The following PDS5A variants were observed in gnomAD, a reference collection of about 807,000 sequenced individuals.
PDS5A encodes the protein sister chromatid cohesion protein PDS5 homolog A.
PDS5A carries 42 observed loss-of-function variants against 167.1 expected under a neutral mutation model. That is an observed-to-expected ratio of 0.25 (90% confidence interval 0.20 to 0.33). The LOEUF (loss-of-function observed/expected upper bound fraction) is 0.33, where lower values mean the gene tolerates loss of function less well. Among genes scored for constraint, PDS5A ranks in the 10% least tolerant of loss-of-function variants. The probability of loss-of-function intolerance (pLI) is 1.00; values close to 1 mark genes in which losing one functional copy is unlikely to be tolerated. For synonymous variants in PDS5A, 553 were observed against 554.6 expected (o/e 1.00, Z 0.04); for missense variants, 1,033 against 1,605.9 (o/e 0.64, Z 6.10).
At chr4:39,923,417 A>C in intron 5 of PDS5A, among the ~76,000 whole-genome samples, 1 of 151,998 alleles carries the variant, frequency 6.6e-6, no homozygotes, top group East Asian at 1.9e-4. Context: ...AGGATTCCAA[A>C]AGTAAATTAA....
At chr4:39,879,912 T>C (rs1578657993) in intron 17 of PDS5A, 79 bp from the exon 18 acceptor site, 2 of 779,740 alleles carry the variant, frequency 2.6e-6, no homozygotes, top group Non-Finnish European at 4.2e-6. Flanking sequence ...AGAACATATA[T>C]AGAACCTTAA....
intron 31 of PDS5A, among the ~76,000 whole-genome samples, chr4:39,839,756 G>GC (rs1491350385): frequency 4.8e-5 from 1 of 20,722 alleles, no homozygotes; most frequent in Non-Finnish European, 1.1e-4. Flanking sequence ...TATGATTCTG[G>GC]GGGGGGGGGG....
chr4:39,919,148 G>A lies in PDS5A; in HGVS notation c.735+1171C>T, dbSNP rs1453959016. Among the ~76,000 whole-genome samples the A allele has an allele frequency of 2.6e-5, 4 of 151,946 alleles. No homozygotes were observed. The East Asian group carries it at 7.7e-4, about 29-fold the overall frequency. On this transcript the variant is annotated intron_variant, in intron 7 of 32. Transcript: ENST00000303538. ...TAATAGGATAACATTTAAATTAAAAGCCTCATTTGGATTTTTATCCATGGA... is the reference window on the plus strand; with the variant it reads ...TAATAGGATAACATTTAAATTAAAAACCTCATTTGGATTTTTATCCATGGA...
intron 9 of PDS5A, among the ~76,000 whole-genome samples, chr4:39,911,862 T>G (rs985895178): frequency 1.3e-5 from 2 of 148,862 alleles, no homozygotes; most frequent in Non-Finnish European, 3.0e-5. Flanking sequence ...AAAATGCACA[T>G]GTTAAGGATA....
At chr4:39,962,992 G>A (rs1040169052) in intron 2 of PDS5A, among the ~76,000 whole-genome samples, 3 of 94,064 alleles carry the variant, frequency 3.2e-5, no homozygotes, top group South Asian at 3.3e-4. Flanking sequence ...AAATGGTTAA[G>A]AGAGTAAATT....
chr4:39,973,770 C>A, intron 2 of PDS5A: 1 of 1,286,462 alleles, frequency 7.8e-7, no homozygotes, highest in Non-Finnish European at 1.1e-6. Context: ...ACCATGTAAT[C>A]AACCCCTACC....
At chr4:39,873,480 T>C (rs1720216399) in intron 20 of PDS5A, among the ~76,000 whole-genome samples, 2 of 152,196 alleles carry the variant, frequency 1.3e-5, no homozygotes, top group Admixed American at 6.5e-5. Context: ...TTTCTTACCC[T>C]GTGGAAGCAT....
chr4:39,919,616 G>T (rs963025931), intron 7 of PDS5A, among the ~76,000 whole-genome samples: 2 of 152,156 alleles, frequency 1.3e-5, no homozygotes, highest in Admixed American at 6.5e-5. Flanking sequence ...CTGCACTCCA[G>T]CTTCAGAGAC....
At chr4:39,885,870 A>C (rs1299452635) in intron 17 of PDS5A, among the ~76,000 whole-genome samples, 2 of 152,038 alleles carry the variant, frequency 1.3e-5, no homozygotes, top group African/African-American at 4.8e-5. Context: ...GAGGAGCATC[A>C]CCTGAGCCCA....
At chr4:39,832,571 T>C (rs529690666) in intron 32 of PDS5A, among the ~76,000 whole-genome samples, 1 of 152,108 alleles carries the variant, frequency 6.6e-6, no homozygotes, top group Non-Finnish European at 1.5e-5. Flanking sequence ...AGGATCTAGT[T>C]TGAGGCACTG....
At chr4:39,966,941 A>G (rs531010588) in intron 2 of PDS5A, among the ~76,000 whole-genome samples, 1 of 151,794 alleles carries the variant, frequency 6.6e-6, no homozygotes, top group East Asian at 1.9e-4. Context: ...GGTTGCAGTG[A>G]GCTGAGATTT....
Position 39,838,116 on chromosome 4 carries a change from T to G in PDS5A, c.3750A>C (p.Gln1250His). 6.2e-7 allele frequency: 1 copy of G among 1,613,930 alleles called. No individual in the cohort carries two copies. The highest frequency in any genetic ancestry group is 1.1e-5 in the South Asian group (1 of 91,054). ...CATCTACTTTCTCATCTGTTTTTTGTTGGATATTCTCTGCACCAGCTGCTG... is the reference window on the plus strand; with the variant it reads ...CATCTACTTTCTCATCTGTTTTTTGGTGGATATTCTCTGCACCAGCTGCTG... ...TVTAAGAENI[Q>H]QKTDEKVDES... is the part of the protein sequence containing the mutation. Residue 1250 changes from glutamine (Q) to histidine (H), a missense_variant, in exon 32 of 33, where the codon CAA (glutamine) becomes CAC (histidine). By Grantham distance (24) the Gln-to-His change is conservative. This residue lies in a region of PDS5A where 233 missense variants were observed against 264.0 expected (regional missense o/e 0.88). Coordinates refer to ENST00000303538, the MANE Select transcript of PDS5A (RefSeq NM_001100399.2).
chr4:39,920,379 A>G lies in PDS5A; in HGVS notation c.675T>C (p.Phe225=). 6.5e-7 allele frequency: 1 copy of G among 1,540,730 alleles called. No individual in the cohort carries two copies. The highest frequency in any genetic ancestry group is 8.9e-7 in the Non-Finnish European group (1 of 1,118,892). ...PAHKNLNKQS[F]DLAKVLLKRT... is the part of the protein sequence containing the mutation. ...TTTTCAATAGCACTTTTGCAAGGTC[A>G]AAGGACTGTTTATTTAAGTTCTGAA... The change falls in exon 7 of 33, where the codon TTT becomes TTC. Residue 225 remains phenylalanine, a synonymous_variant. Transcript: ENST00000303538.
At chr4:39,972,593 T>C (rs13112682) in intron 2 of PDS5A, among the ~76,000 whole-genome samples, 33,981 of 151,150 alleles carry the variant, frequency 0.22, 4,792 homozygotes, top group Middle Eastern at 0.33. Flanking sequence ...CTGAACCTCC[T>C]GGGCTCAAAT....
intron 2 of PDS5A, among the ~76,000 whole-genome samples, chr4:39,944,127 C>T (rs1195377771): frequency 3.5e-5 from 5 of 144,070 alleles, no homozygotes; most frequent in African/African-American, 1.0e-4. Context: ...TGCAGTGAGC[C>T]GAGATCACAC....
chr4:39,841,691 T>C (rs1303222142), intron 31 of PDS5A, among the ~76,000 whole-genome samples: 1 of 152,110 alleles, frequency 6.6e-6, no homozygotes, highest in Admixed American at 6.6e-5. Flanking sequence ...TTTTTATTTT[T>C]AGTAGAGATG....
At chr4:39,918,201 A>AAAC (rs1235977497) in intron 7 of PDS5A, among the ~76,000 whole-genome samples, 1 of 150,764 alleles carries the variant, frequency 6.6e-6, no homozygotes, top group Non-Finnish European at 1.5e-5. Flanking sequence ...AAAAAAAAAA[A>AAAC]CAGAATAATT....
Position 39,877,071 on chromosome 4 carries a change from T to A in PDS5A, c.2075A>T (p.Asp692Val). The A allele has an allele frequency of 6.2e-7, 1 of 1,608,600 alleles. No individual in the cohort carries two copies. Reference protein sequence around the residue: ...SLLQCLRMEDDKVAEAAIQIF... With the variant: ...SLLQCLRMEDVKVAEAAIQIF... ...TTGAATAGCAGCTTCTGCTACCTTG[T>A]CATCCTCCATTCTTAGGCACTGTAA... Residue 692 changes from aspartate to valine, a missense_variant, in exon 19 of 33, where the codon GAC becomes GTC. By Grantham distance (152) the Asp-to-Val change is radical. Around this residue, in one of 4 missense-constraint regions of PDS5A, gnomAD observed 367 missense variants for 686.7 expected, o/e 0.53. Coordinates refer to ENST00000303538, the MANE Select transcript of PDS5A (RefSeq NM_001100399.2).
intron 2 of PDS5A, among the ~76,000 whole-genome samples, chr4:39,951,638 C>A (rs527911717): frequency 1.3e-5 from 2 of 152,120 alleles, no homozygotes; most frequent in Admixed American, 1.3e-4. Context: ...AGGTGGCTCA[C>A]GCCTGTGATC....
Sources: gnomAD v4.1 joint callset for allele counts (sites outside exome capture counted in the v4.1 genomes callset) on GRCh38, gnomAD v4.1.1 for gene constraint, gnomAD v4.1.1 regional missense constraint, MANE v1.5 for transcripts, NCBI Gene and HGNC (gene_info 2026-07-23, HGNC 2026-07-21) for gene names.